CFAP96: variants seen among roughly 807,000 people sequenced by gnomAD.
The protein encoded by CFAP96 is cilia and flagella associated protein 96, also known as cilia-and flagella-associated protein 96.
At chr4:185,413,832 T>C in the CFAP96 span, 2 of 1,613,232 alleles carry the variant, frequency 1.2e-6, no homozygotes, top group Non-Finnish European at 1.7e-6. Flanking sequence ...CCTTTTGAAA[T>C]AGGGTCTGTC....
At chr4:185,425,877 C>T in the CFAP96 span, 3 of 1,602,408 alleles carry the variant, frequency 1.9e-6, no homozygotes, top group East Asian at 4.5e-5. Flanking sequence ...ATGTCCGCGA[C>T]GTGGCGGTGA....
chr4:185,425,052 G>C, the CFAP96 span, among the ~76,000 whole-genome samples: 1 of 152,206 alleles, frequency 6.6e-6, no homozygotes, highest in Non-Finnish European at 1.5e-5. Flanking sequence ...ACCCCAGATG[G>C]ATAGATCTCA....
the CFAP96 span, chr4:185,440,580 C>G: frequency 6.5e-7 from 1 of 1,533,920 alleles, no homozygotes; most frequent in Non-Finnish European, 8.8e-7. Context: ...AAAGGAGCAC[C>G]ATTTAAGTTA....
chr4:185,422,375 T>A, the CFAP96 span: 44 of 809,708 alleles, frequency 5.4e-5, no homozygotes, highest in Non-Finnish European at 8.4e-5. Context: ...ACTAACAATA[T>A]AATCTTAGTT....
At chr4:185,420,700 T>G in the CFAP96 span, among the ~76,000 whole-genome samples, 3 of 152,226 alleles carry the variant, frequency 2.0e-5, no homozygotes, top group Non-Finnish European at 4.4e-5. Flanking sequence ...TAAAGGACTA[T>G]TTGGTAAAGT....
chr4:185,442,180 G>T, the CFAP96 span, among the ~76,000 whole-genome samples: 2 of 151,806 alleles, frequency 1.3e-5, no homozygotes, highest in Non-Finnish European at 2.9e-5. Context: ...AGTTATGCTG[G>T]TTATTCTGTC....
chr4:185,413,613 T>A, the CFAP96 span: 1 of 1,055,510 alleles, frequency 9.5e-7, no homozygotes, highest in Non-Finnish European at 1.3e-6. Context: ...GGGTGATAAA[T>A]CATGTTTTAG....
the CFAP96 span, among the ~76,000 whole-genome samples, chr4:185,423,737 A>G: frequency 6.6e-6 from 1 of 152,152 alleles, no homozygotes; most frequent in Non-Finnish European, 1.5e-5. Context: ...TATATCACAA[A>G]TGACATGTAT....
the CFAP96 span, among the ~76,000 whole-genome samples, chr4:185,431,469 T>C: frequency 2.0e-5 from 3 of 152,258 alleles, no homozygotes; most frequent in African/African-American, 7.2e-5. Flanking sequence ...TTGGGCTATT[T>C]TATGTTTTTG....
the CFAP96 span, chr4:185,445,478 G>A: frequency 6.5e-7 from 1 of 1,536,510 alleles, no homozygotes; most frequent in Non-Finnish European, 8.9e-7. Flanking sequence ...CTCGAAGGGA[G>A]TTTCTTAGCA....
chr4:185,430,895 CA>C, the CFAP96 span, among the ~76,000 whole-genome samples: 64 of 127,064 alleles, frequency 5.0e-4, no homozygotes, highest in Admixed American at 6.7e-4. Context: ...GAGACCTTGT[CA>C]AAAAAAAAAA....
the CFAP96 span, chr4:185,436,325 CCGA>C: frequency 6.4e-7 from 1 of 1,550,812 alleles, no homozygotes; most frequent in East Asian, 2.4e-5. Flanking sequence ...TCACACTCTG[CCGA>C]CTTCTATGAT....
the CFAP96 span, among the ~76,000 whole-genome samples, chr4:185,430,381 A>G: frequency 6.6e-6 from 1 of 152,242 alleles, no homozygotes; most frequent in Non-Finnish European, 1.5e-5. Context: ...TAGTCTATAT[A>G]GTGTGCTCAG....
the CFAP96 span, among the ~76,000 whole-genome samples, chr4:185,439,735 A>G: frequency 1.3e-5 from 2 of 149,534 alleles, no homozygotes; most frequent in Admixed American, 6.7e-5. Context: ...GACATGTAAT[A>G]TATAATATAT....
the CFAP96 span, among the ~76,000 whole-genome samples, chr4:185,439,232 CAAGT>C: frequency 6.6e-6 from 1 of 152,050 alleles, no homozygotes; most frequent in Non-Finnish European, 1.5e-5. Context: ...ATTCCCATGA[CAAGT>C]AAATTTTGTG....
At chr4:185,415,844 A>T in the CFAP96 span, 1 of 1,613,644 alleles carries the variant, frequency 6.2e-7, no homozygotes, top group Non-Finnish European at 8.5e-7. Context: ...TTTCCAGCAT[A>T]AGATCTATAT....
the CFAP96 span, chr4:185,413,614 C>T: frequency 9.5e-7 from 1 of 1,053,150 alleles, no homozygotes; most frequent in Non-Finnish European, 1.3e-6. Context: ...GGTGATAAAT[C>T]ATGTTTTAGG....
chr4:185,435,077 T>A, the CFAP96 span, among the ~76,000 whole-genome samples: 1 of 152,240 alleles, frequency 6.6e-6, no homozygotes, highest in Non-Finnish European at 1.5e-5. Context: ...CTAAATAGAA[T>A]GACTTTTAGT....
the CFAP96 span, among the ~76,000 whole-genome samples, chr4:185,442,146 A>C: frequency 2.0e-5 from 3 of 152,102 alleles, no homozygotes; most frequent in African/African-American, 7.2e-5. Flanking sequence ...GTAAGTGGTC[A>C]AGTCTCTTCT....
Sources: allele counts gnomAD v4.1 joint callset (sites outside exome capture counted in the v4.1 genomes callset), GRCh38; gene constraint gnomAD v4.1.1; transcripts MANE v1.5; gene names NCBI Gene and HGNC (gene_info 2026-07-23, HGNC 2026-07-21).